DAB1: variants seen among roughly 807,000 people sequenced by gnomAD.
The protein encoded by DAB1 is DAB adaptor protein 1.
In DAB1, 15 loss-of-function variants were observed where a neutral mutation model predicts 64.6. The observed-to-expected ratio is 0.23, with a 90% CI of 0.16 to 0.36. The LOEUF is 0.36. Ranked by LOEUF, DAB1 falls within the 10% of genes least tolerant of loss-of-function variation. DAB1 has a pLI of 1.00. For synonymous variants in DAB1, 235 were observed against 251.9 expected (o/e 0.93, Z 0.64); for missense variants, 596 against 706.7 (o/e 0.84, Z 1.78).
intron 1 of DAB1, among the ~76,000 whole-genome samples, chr1:57,411,660 G>A (rs536971809): frequency 2.6e-5 from 4 of 152,254 alleles, no homozygotes; most frequent in South Asian, 4.2e-4. Flanking sequence ...AGTGACTAGC[G>A]GCTACCCTGG....
chr1:58,016,159 A>G (rs879178736), intron 5 of DAB1, among the ~76,000 whole-genome samples: 1 of 152,166 alleles, frequency 6.6e-6, no homozygotes, highest in South Asian at 2.1e-4. Context: ...GGGGGTCAGT[A>G]CATTTTTTTT....
At chr1:58,235,330 G>A (rs1024424000) in intron 4 of DAB1, among the ~76,000 whole-genome samples, 3 of 152,194 alleles carry the variant, frequency 2.0e-5, no homozygotes, top group African/African-American at 7.2e-5. Flanking sequence ...GGTGGAACTA[G>A]GATCTGAATG....
intron 4 of DAB1, among the ~76,000 whole-genome samples, chr1:58,313,915 A>G (rs1309150337): frequency 6.6e-6 from 1 of 151,190 alleles, no homozygotes; most frequent in Admixed American, 6.6e-5. Flanking sequence ...CTCCATCCCA[A>G]GTCCTCACCT....
chr1:57,819,760 G>A (rs984835638), intron 6 of DAB1, among the ~76,000 whole-genome samples: 1 of 152,108 alleles, frequency 6.6e-6, no homozygotes, highest in Non-Finnish European at 1.5e-5. Flanking sequence ...TTTGAAAAGT[G>A]GGAAAATATT....
At chr1:57,826,713 A>T (rs900707994) in intron 1 of DAB1, among the ~76,000 whole-genome samples, 1 of 152,230 alleles carries the variant, frequency 6.6e-6, no homozygotes, top group African/African-American at 2.4e-5. Flanking sequence ...AGCAAGAGAA[A>T]TAAATGTCCC....
chr1:57,578,101 T>C (rs1645271413), intron 7 of DAB1, among the ~76,000 whole-genome samples: 1 of 152,214 alleles, frequency 6.6e-6, no homozygotes, highest in Admixed American at 6.5e-5. Flanking sequence ...TTTTCATTTA[T>C]CATGCGAATG....
intron 1 of DAB1, among the ~76,000 whole-genome samples, chr1:57,412,499 C>T (rs1011313450): frequency 3.3e-5 from 5 of 152,196 alleles, no homozygotes; most frequent in Non-Finnish European, 4.4e-5. Flanking sequence ...ACTTATTTCT[C>T]AGGGCAAACA....
At chr1:57,631,485 T>C (rs1645988778) in intron 7 of DAB1, among the ~76,000 whole-genome samples, 1 of 152,222 alleles carries the variant, frequency 6.6e-6, no homozygotes. Flanking sequence ...ATTTTTCTAG[T>C]TTATATGCTA....
At chr1:57,656,997 A>T (rs74077755) in intron 6 of DAB1, among the ~76,000 whole-genome samples, 1 of 152,208 alleles carries the variant, frequency 6.6e-6, no homozygotes, top group African/African-American at 2.4e-5. Flanking sequence ...CCTTATAATT[A>T]GGCTTATTAT....
At chr1:57,702,726 C>A (rs1298909345) in intron 6 of DAB1, among the ~76,000 whole-genome samples, 1 of 152,100 alleles carries the variant, frequency 6.6e-6, no homozygotes, top group East Asian at 1.9e-4. Context: ...AGAAGTCAGG[C>A]AAATTCTTAG....
intron 7 of DAB1, among the ~76,000 whole-genome samples, chr1:57,472,173 CT>C (rs1425799922): frequency 6.6e-6 from 1 of 152,220 alleles, no homozygotes; most frequent in Non-Finnish European, 1.5e-5. Context: ...TAGCCCGGTT[CT>C]TTTCCCTGCA....
At chr1:57,171,408 C>T (rs1331206891) in intron 2 of DAB1, among the ~76,000 whole-genome samples, 3 of 152,240 alleles carry the variant, frequency 2.0e-5, no homozygotes, top group African/African-American at 7.2e-5. Flanking sequence ...CTCCTGCTGT[C>T]TCTGCAACAC....
intron 4 of DAB1, among the ~76,000 whole-genome samples, chr1:57,122,435 T>C (rs898576560): frequency 6.6e-5 from 10 of 152,156 alleles, no homozygotes; most frequent in African/African-American, 2.4e-4. Flanking sequence ...TAGCCTTAGC[T>C]CTCCCAAACA....
intron 1 of DAB1, among the ~76,000 whole-genome samples, chr1:57,343,527 C>T (rs560884634): frequency 9.2e-5 from 14 of 152,228 alleles, no homozygotes; most frequent in African/African-American, 1.9e-4. Flanking sequence ...GAGGCTCCGC[C>T]GCACAAGAGC....
chr1:57,999,769 C>A (rs1646478964), intron 5 of DAB1, among the ~76,000 whole-genome samples: 1 of 151,392 alleles, frequency 6.6e-6, no homozygotes, highest in Non-Finnish European at 1.5e-5. Context: ...CAGCTTTATG[C>A]TGCCTTATAA....
At chr1:57,224,821 T>A (rs1667138712) in intron 2 of DAB1, among the ~76,000 whole-genome samples, 1 of 152,228 alleles carries the variant, frequency 6.6e-6, no homozygotes, top group Non-Finnish European at 1.5e-5. Context: ...TGGGAGCTGG[T>A]TACCAGAAAG....
At chr1:57,424,900 G>A (rs146589401), upstream of DAB1, among the ~76,000 whole-genome samples, 82 of 152,332 alleles carry the variant, frequency 5.4e-4, no homozygotes, top group African/African-American at 1.8e-3. Flanking sequence ...TCCCCTACTC[G>A]GCTCTTAGAA....
At chr1:57,583,229 T>A (rs980197095) in intron 7 of DAB1, among the ~76,000 whole-genome samples, 17 of 152,036 alleles carry the variant, frequency 1.1e-4, no homozygotes, top group Non-Finnish European at 1.2e-4. Context: ...ATGTACAAAC[T>A]TACTTTGGGA....
intron 4 of DAB1, among the ~76,000 whole-genome samples, chr1:58,173,545 C>T (rs1419553863): frequency 6.6e-6 from 1 of 152,142 alleles, no homozygotes; most frequent in Non-Finnish European, 1.5e-5. Flanking sequence ...CTAGTAGATA[C>T]AAAATGGTTT....
Sources: allele counts gnomAD v4.1 joint callset (sites outside exome capture counted in the v4.1 genomes callset), GRCh38; gene constraint gnomAD v4.1.1; transcripts MANE v1.5; gene names NCBI Gene and HGNC (gene_info 2026-07-23, HGNC 2026-07-21).